The following DPP10 variants were observed in gnomAD, a reference collection of about 807,000 sequenced individuals.
The protein encoded by DPP10 is inactive dipeptidyl peptidase 10.
DPP10 carries 33 observed loss-of-function variants against 120.9 expected under a neutral mutation model. The ratio of observed to expected loss-of-function variants is 0.27; its 90% CI spans 0.21 to 0.37. The LOEUF is 0.37. Among genes scored for constraint, DPP10 ranks in the 10% least tolerant of loss-of-function variants. DPP10 has a pLI of 1.00. For missense variants in DPP10, 816 were observed against 942.8 expected, an observed-to-expected ratio of 0.87 and a Z score of 1.76; for synonymous variants, 337 against 326.1, an observed-to-expected ratio of 1.03 and a Z score of -0.36.
chr2:115,498,620 G>T (rs974392362), intron 3 of DPP10, among the ~76,000 whole-genome samples: 3 of 150,870 alleles, frequency 2.0e-5, no homozygotes, highest in Non-Finnish European at 3.0e-5. Flanking sequence ...TGGGTAAAAA[G>T]ATTATGATTT....
intron 3 of DPP10, among the ~76,000 whole-genome samples, chr2:115,454,141 T>G (rs2073340133): frequency 6.6e-6 from 1 of 151,412 alleles, no homozygotes; most frequent in Non-Finnish European, 1.5e-5. Flanking sequence ...TGTGAAATAT[T>G]TAAAGAAGAA....
chr2:115,147,112 T>C (rs939682700), intron 1 of DPP10, among the ~76,000 whole-genome samples: 1 of 151,792 alleles, frequency 6.6e-6, no homozygotes, highest in Non-Finnish European at 1.5e-5. Context: ...TTTTATTGGA[T>C]GGAAAAACTG....
At chr2:114,946,920 T>C (rs1054563278) in intron 1 of DPP10, among the ~76,000 whole-genome samples, 1 of 152,138 alleles carries the variant, frequency 6.6e-6, no homozygotes, top group Non-Finnish European at 1.5e-5. Context: ...GAGTTTGTAG[T>C]TTTATTTCTG....
intron 5 of DPP10, among the ~76,000 whole-genome samples, chr2:115,653,715 GGC>G (rs2088020075): frequency 6.6e-6 from 1 of 151,852 alleles, no homozygotes; most frequent in South Asian, 2.1e-4. Flanking sequence ...TTCCCTAGAA[GGC>G]AAGTTGATGT....
intron 1 of DPP10, among the ~76,000 whole-genome samples, chr2:115,012,390 C>T (rs1244280383): frequency 6.6e-6 from 1 of 152,146 alleles, no homozygotes; most frequent in Admixed American, 6.5e-5. Flanking sequence ...AAAACCAGCA[C>T]ATTAAACAAA....
At chr2:114,973,645 G>C (rs952805320) in intron 1 of DPP10, among the ~76,000 whole-genome samples, 6 of 111,384 alleles carry the variant, frequency 5.4e-5, no homozygotes, top group African/African-American at 2.2e-4. Flanking sequence ...CTGGGCAACG[G>C]AGTGAGACTC....
chr2:114,549,972 C>T lies in DPP10; in HGVS notation c.60+107134C>T, dbSNP rs114405743. On this transcript the variant is annotated intron_variant, in intron 1 of 25. Transcript: ENST00000410059. The stretch of plus-strand genomic sequence containing the variant: ...AAAGCATTTTACCTCCTTTAGAAAC[C>T]ATCATGCCCCCAAACCTAAAACTTA... Among the ~76,000 whole-genome samples the T allele has an allele frequency of 4.8e-3, 724 of 152,264 alleles. 6 individuals carry two copies. Among genetic ancestry groups the T allele is most frequent in the African/African-American group, 0.017 (695 of 41,542 alleles).
At chr2:115,157,244 C>CAAAAAAAAAAAAA (rs569338436) in intron 1 of DPP10, among the ~76,000 whole-genome samples, 7 of 101,502 alleles carry the variant, frequency 6.9e-5, no homozygotes, top group African/African-American at 2.5e-4. Context: ...TTAAATATAG[C>CAAAAAAAAAAAAA]AAAAAAAAAA....
At chr2:114,661,439 A>C (rs565036450) in intron 1 of DPP10, among the ~76,000 whole-genome samples, 1 of 152,316 alleles carries the variant, frequency 6.6e-6, no homozygotes, top group African/African-American at 2.4e-5. Context: ...CATCAGTGGG[A>C]AAGAACCTAA....
At chr2:115,720,970 GTTC>G (rs2092634791) in intron 7 of DPP10, among the ~76,000 whole-genome samples, 1 of 152,184 alleles carries the variant, frequency 6.6e-6, no homozygotes, top group African/African-American at 2.4e-5. Flanking sequence ...GAATGTTCAA[GTTC>G]TATTAGGCAG....
chr2:115,657,048 A>G (rs1376425291), intron 5 of DPP10, among the ~76,000 whole-genome samples: 1 of 151,742 alleles, frequency 6.6e-6, no homozygotes, highest in Non-Finnish European at 1.5e-5. Flanking sequence ...CATGGTAGAC[A>G]TGATTTATTG....
At chr2:115,107,422 CTTTTTTTTTTTTTT>C (rs59046305) in intron 1 of DPP10, among the ~76,000 whole-genome samples, 2 of 59,852 alleles carry the variant, frequency 3.3e-5, no homozygotes, top group East Asian at 6.2e-4. Context: ...TTGGTTATAG[CTTTTTTTTTTTTTT>C]TTTTTTTTTT....
rs541141273 is a variant in DPP10 at position 115,292,073 on chromosome 2, C to T, written c.61-17166C>T. ...CAGCAGGTCTTATTCTAAAATATTT[C>T]TGGAAAAAAATTATTCCATTTAGAT... On this transcript the variant is annotated intron_variant, in intron 1 of 25. Coordinates refer to ENST00000410059, the MANE Select transcript of DPP10 (RefSeq NM_020868.6). 2.6e-5 allele frequency among the ~76,000 whole-genome samples: 4 copies of T among 152,160 alleles called. No individual in the cohort carries two copies. The South Asian group carries it at 8.3e-4, about 32-fold the overall frequency.
intron 1 of DPP10, among the ~76,000 whole-genome samples, chr2:114,696,892 G>A (rs1700100299): frequency 6.6e-6 from 1 of 151,914 alleles, no homozygotes; most frequent in Non-Finnish European, 1.5e-5. Flanking sequence ...TTTGCAGTGT[G>A]CTATTTATTT....
At position 115,721,052 on chromosome 2, in the gene DPP10, G is replaced by A. The variant is rs75449439; in HGVS notation, c.577-6764G>A. Among the ~76,000 whole-genome samples, 7 of 152,188 alleles carry A rather than the reference G, an allele frequency of 4.6e-5. No individual in the cohort carries two copies. In the East Asian group the frequency reaches 1.4e-3, roughly 29 times the overall value. On this transcript the variant is annotated intron_variant, in intron 7 of 25. Transcript: ENST00000410059. ...AGTGCTAAAAAGAGCCGCAGTGATT[G>A]ACTCTGGAAGGTGAAGCTTAGGATT...
chr2:115,041,871 A>G (rs1186101316), intron 1 of DPP10, among the ~76,000 whole-genome samples: 1 of 152,172 alleles, frequency 6.6e-6, no homozygotes, highest in Non-Finnish European at 1.5e-5. Context: ...TGCCCTTTGT[A>G]ACACAACAAA....
intron 1 of DPP10, among the ~76,000 whole-genome samples, chr2:114,977,936 T>G (rs543957149): frequency 7.2e-5 from 11 of 152,242 alleles, no homozygotes; most frequent in African/African-American, 2.6e-4. Context: ...GTTTTGTGCT[T>G]TTTTGGTTTG....
chr2:115,652,849 T>C (rs540929140), intron 5 of DPP10, among the ~76,000 whole-genome samples: 1 of 152,046 alleles, frequency 6.6e-6, no homozygotes, highest in African/African-American at 2.4e-5. Context: ...AGATACACCC[T>C]GAAAGATGCA....
At chr2:115,580,884 T>C (rs184252572) in intron 5 of DPP10, among the ~76,000 whole-genome samples, 4 of 152,224 alleles carry the variant, frequency 2.6e-5, no homozygotes, top group East Asian at 1.9e-4. Context: ...TATTCCTGTT[T>C]AGCAACCCAG....
Sources: gnomAD v4.1 joint callset for allele counts (sites outside exome capture counted in the v4.1 genomes callset) on GRCh38, gnomAD v4.1.1 for gene constraint, MANE v1.5 for transcripts, NCBI Gene and HGNC (gene_info 2026-07-23, HGNC 2026-07-21) for gene names.